The following RNF114 variants were observed in gnomAD, a reference collection of about 807,000 sequenced individuals.
The protein encoded by RNF114 is E3 ubiquitin-protein ligase RNF114.
In RNF114, 6 loss-of-function variants were observed where a neutral mutation model predicts 28.4. The ratio of observed to expected loss-of-function variants is 0.21; its 90% CI spans 0.12 to 0.42. The LOEUF (loss-of-function observed/expected upper bound fraction) is 0.42, where lower values mean the gene tolerates loss of function less well. RNF114 is among the 10% of genes least tolerant of loss of function. The pLI, the probability that RNF114 is intolerant of heterozygous loss-of-function variation, is 1.00. For synonymous variants in RNF114, 115 were observed against 116.7 expected (o/e 0.99, Z 0.09); for missense variants, 249 against 311.7 (o/e 0.80, Z 1.51).
intron 1 of RNF114, among the ~76,000 whole-genome samples, chr20:49,938,453 T>C (rs2090295756): frequency 6.6e-6 from 1 of 152,216 alleles, no homozygotes; most frequent in Non-Finnish European, 1.5e-5. Flanking sequence ...CTGTGCCTAG[T>C]TGATTTTTAC....
intron 2 of RNF114, among the ~76,000 whole-genome samples, chr20:49,942,627 A>G (rs2090312115): frequency 1.3e-5 from 2 of 152,322 alleles, no homozygotes; most frequent in South Asian, 4.1e-4. Context: ...GTTCTAGACC[A>G]GCCTGGACAA....
At chr20:49,939,774 G>A (rs1430779942) in intron 1 of RNF114, among the ~76,000 whole-genome samples, 5 of 151,532 alleles carry the variant, frequency 3.3e-5, no homozygotes, top group African/African-American at 9.7e-5. Context: ...AAACTATAGG[G>A]CTGGGCTCAG....
chr20:49,947,794 T>TTTTTTTTTTTTTTTTTC (rs2090339531), intron 4 of RNF114, among the ~76,000 whole-genome samples: 1 of 106,294 alleles, frequency 9.4e-6, no homozygotes, highest in African/African-American at 3.7e-5. Context: ...TTTTTTTTTT[T>TTTTTTTTTTTTTTTTTC]TTTTTTTTTT....
chr20:49,947,797 T>TTG (rs1178342357), intron 4 of RNF114, among the ~76,000 whole-genome samples: 1 of 70,834 alleles, frequency 1.4e-5, no homozygotes, highest in African/African-American at 4.3e-5. Context: ...TTTTTTTTTT[T>TTG]TTTTTTTTTT....
intron 4 of RNF114, among the ~76,000 whole-genome samples, chr20:49,947,779 T>G (rs113348192): frequency 8.8e-3 from 200 of 22,780 alleles, no homozygotes; most frequent in African/African-American, 0.039. Flanking sequence ...GTTTTTTTTT[T>G]TTTTTTTTTT....
chr20:49,951,976 C>G, intron 5 of RNF114, 100 bp from the exon 6 acceptor site: 2 of 966,290 alleles, frequency 2.1e-6, no homozygotes, highest in South Asian at 2.7e-5. Context: ...CCCTGGCAAC[C>G]TGCTCCGGAT....
intron 2 of RNF114, among the ~76,000 whole-genome samples, chr20:49,943,645 T>C (rs1332280369): frequency 8.1e-6 from 1 of 122,810 alleles, no homozygotes; most frequent in Non-Finnish European, 1.7e-5. Flanking sequence ...AATTCCCTAC[T>C]GTCTTCTTTT....
rs2146857214 is a variant in RNF114, at chr20:49,945,480, T to A, written c.390T>A (p.Leu130=). ...AGGCCACCATTAAGGATGCATCTCT[T>A]CAGCCAAGGTAAATGACTCAGTCTC... ...GVKATIKDAS[L]QPRNVPNRYT... is the part of the protein sequence containing the mutation. The change falls in exon 3 of 6, where the codon CTT becomes CTA. Residue 130 remains leucine, a synonymous_variant. Coordinates refer to ENST00000244061, the MANE Select transcript of RNF114 (RefSeq NM_018683.4). 6.3e-7 allele frequency: 1 copy of A among 1,596,320 alleles called. No individual in the cohort carries two copies. The highest frequency in any genetic ancestry group is 2.2e-5 in the East Asian group (1 of 44,810).
At chr20:49,943,873 G>GATTATATAT (rs1555857478) in intron 2 of RNF114, 1 of 122,136 alleles carries the variant, frequency 8.2e-6, no homozygotes, top group African/African-American at 3.1e-5. Flanking sequence ...TACACACAGA[G>GATTATATAT]ATATATATAT....
chr20:49,952,157 G>C lies in RNF114; in HGVS notation c.*16G>C. 1 of 1,609,054 alleles carries C rather than the reference G, an allele frequency of 6.2e-7. No individual in the cohort carries two copies. Among genetic ancestry groups the C allele is most frequent in the Non-Finnish European group, 8.5e-7 (1 of 1,175,306 alleles). ...CGACCAGTGAGCAGAGTCCGTGCTT[G>C]CTATCTGTCTCATGTTACAGAGCTT... On this transcript the variant is annotated 3_prime_UTR_variant, in exon 6 of 6. Transcript: ENST00000244061.
chr20:49,949,140 AGTAT>A, intron 4 of RNF114, 104 bp from the exon 5 acceptor site: 1 of 832,194 alleles, frequency 1.2e-6, no homozygotes, highest in Non-Finnish European at 2.1e-6. Context: ...GGCCCTGGAC[AGTAT>A]GTCAGGAAAG....
intron 2 of RNF114, chr20:49,943,896 A>ATG (rs2090318559): frequency 2.8e-5 from 4 of 144,222 alleles, no homozygotes; most frequent in Admixed American, 2.1e-4. Flanking sequence ...ATATATATAT[A>ATG]TATTTGTATT....
intron 5 of RNF114, 53 bp from the exon 6 acceptor site, chr20:49,952,023 G>A: frequency 7.2e-7 from 1 of 1,396,504 alleles, no homozygotes; most frequent in African/African-American, 1.4e-5. Flanking sequence ...CTGAAAGCCA[G>A]TCTTTGCATC....
At chr20:49,943,871 G>GATATATATATAT (rs1325124037) in intron 2 of RNF114, 1 of 65,560 alleles carries the variant, frequency 1.5e-5, no homozygotes, top group Non-Finnish European at 2.9e-5. Context: ...CATACACACA[G>GATATATATATAT]AGATATATAT....
Position 49,952,167 on chromosome 20 carries a change from T to C in RNF114, c.*26T>C, listed in dbSNP as rs541262260. 362 of 1,598,242 alleles carry C rather than the reference T, an allele frequency of 2.3e-4. 4 individuals carry two copies. In the South Asian group the frequency reaches 3.7e-3, roughly 16 times the overall value. The stretch of plus-strand genomic sequence containing the variant: ...GCAGAGTCCGTGCTTGCTATCTGTC[T>C]CATGTTACAGAGCTTCCATTACATA... On this transcript the variant is annotated 3_prime_UTR_variant, in exon 6 of 6. Coordinates refer to ENST00000244061, the MANE Select transcript of RNF114 (RefSeq NM_018683.4).
chr20:49,938,023 C>T (rs748701416), intron 1 of RNF114, among the ~76,000 whole-genome samples: 22 of 152,178 alleles, frequency 1.4e-4, no homozygotes, highest in Non-Finnish European at 3.1e-4. Flanking sequence ...AGGGATCACA[C>T]CTCTGTGCGT....
At chr20:49,949,027 G>C (rs2090345758) in intron 4 of RNF114, among the ~76,000 whole-genome samples, 1 of 152,162 alleles carries the variant, frequency 6.6e-6, no homozygotes, top group African/African-American at 2.4e-5. Flanking sequence ...GAGAAAGGGT[G>C]GTATCATGAT....
Position 49,949,371 on chromosome 20 carries a change from G to A in RNF114, c.621+16G>A, listed in dbSNP as rs766907785. The A allele has an allele frequency of 1.1e-5, 18 of 1,603,420 alleles. No homozygotes were observed. The highest frequency in any genetic ancestry group is 1.4e-5 in the Non-Finnish European group (16 of 1,171,334). Reference sequence around the variant, plus strand: ...CACTTTTGTGGTAAGTCTGGAGCCTGGGCTCTGATCCCTCCCCTGGGGGAG... The same window carrying A: ...CACTTTTGTGGTAAGTCTGGAGCCTAGGCTCTGATCCCTCCCCTGGGGGAG... On this transcript the variant is annotated intron_variant, in intron 5 of 5. Coordinates refer to ENST00000244061, the MANE Select transcript of RNF114 (RefSeq NM_018683.4).
intron 2 of RNF114, chr20:49,945,136 C>A: frequency 2.5e-6 from 1 of 404,962 alleles, no homozygotes; most frequent in Non-Finnish European, 4.6e-6. Flanking sequence ...TAGGAGCAAA[C>A]CTCTAGGAGA....
Sources: gnomAD v4.1 joint callset for allele counts (sites outside exome capture counted in the v4.1 genomes callset) on GRCh38, gnomAD v4.1.1 for gene constraint, MANE v1.5 for transcripts, NCBI Gene and HGNC (gene_info 2026-07-23, HGNC 2026-07-21) for gene names.